The following URB1 variants were observed in gnomAD, a reference collection of about 807,000 sequenced individuals.
URB1 encodes the protein URB1 ribosome biogenesis factor.
URB1 carries 197 observed loss-of-function variants against 242.3 expected under a neutral mutation model. The observed-to-expected ratio is 0.81, with a 90% CI of 0.72 to 0.91. The LOEUF (loss-of-function observed/expected upper bound fraction) is 0.91. Ranked by LOEUF, URB1 falls within the 40% of genes least tolerant of loss-of-function variation. The pLI is 0.00. For missense variants in URB1, 2,721 were observed against 2,860.5 expected, an observed-to-expected ratio of 0.95 and a Z score of 1.11; for synonymous variants, 1,153 against 1,201.8, an observed-to-expected ratio of 0.96 and a Z score of 0.84.
chr21:32,347,363 C>A lies in URB1; in HGVS notation c.3461G>T (p.Gly1154Val), dbSNP rs889952035. 12 of 1,551,400 alleles carry A rather than the reference C, an allele frequency of 7.7e-6. No individual in the cohort carries two copies. The highest frequency in any genetic ancestry group is 9.6e-6 in the Non-Finnish European group (11 of 1,146,974). The change falls in exon 22 of 39, where the codon GGA becomes GTA. Residue 1154 changes from glycine to valine, a missense_variant. Gly to Val is a moderately radical substitution (Grantham distance 109). Coordinates refer to ENST00000382751, the MANE Select transcript of URB1 (RefSeq NM_014825.3). ...PGKERHLNAL[G>V]KTLVQLLTCS... ...GGTCAGCAGCTGCACCAGGGTCTTT[C>A]CAAGAGCATTCAGGTGTCTTTCCTT...
intron 22 of URB1, 98 bp from the exon 23 acceptor site, chr21:32,345,673 C>T: frequency 7.9e-7 from 1 of 1,273,630 alleles, no homozygotes; most frequent in Non-Finnish European, 1.1e-6. Context: ...TTTTAGGTAT[C>T]CTGTGACCCT....
intron 11 of URB1, among the ~76,000 whole-genome samples, chr21:32,362,497 C>T (rs913528943): frequency 1.3e-5 from 2 of 152,114 alleles, no homozygotes; most frequent in Non-Finnish European, 1.5e-5. Flanking sequence ...TGTGAGCCAC[C>T]GCGCCCAACC....
chr21:32,360,121 C>T (rs1049198650), intron 13 of URB1, among the ~76,000 whole-genome samples: 4 of 152,166 alleles, frequency 2.6e-5, no homozygotes, highest in African/African-American at 9.7e-5. Context: ...CAACAAAAAG[C>T]CCAAATCCCA....
chr21:32,363,719 T>G (rs1307512822), intron 10 of URB1, among the ~76,000 whole-genome samples: 1 of 152,138 alleles, frequency 6.6e-6, no homozygotes, highest in Non-Finnish European at 1.5e-5. Flanking sequence ...TGGAGTGCAA[T>G]GGTGCGATCA....
intron 36 of URB1, 134 bp from the exon 37 acceptor site, chr21:32,318,051 G>T: frequency 8.2e-7 from 1 of 1,219,592 alleles, no homozygotes; most frequent in Non-Finnish European, 1.1e-6. Flanking sequence ...TTCCTGCACA[G>T]CAGACATCTA....
In URB1 at chr21:32,373,790, C is replaced by G. The variant is rs1195578149; in HGVS notation, c.751-18G>C. Reference sequence around the variant, plus strand: ...TGAACTACCTGAAACAATAATAAAACAAATTATTAAAAAACAAATTATGAA... The same window carrying G: ...TGAACTACCTGAAACAATAATAAAAGAAATTATTAAAAAACAAATTATGAA... On this transcript the variant is annotated intron_variant, in intron 6 of 38. Coordinates refer to ENST00000382751, the MANE Select transcript of URB1 (RefSeq NM_014825.3). The G allele has an allele frequency of 6.7e-7, 1 of 1,490,354 alleles. No individual in the cohort carries two copies. The highest frequency in any genetic ancestry group is 2.7e-5 in the Admixed American group (1 of 37,730). 92.3% of individuals were successfully genotyped at this position (1,490,354 alleles called of 1,614,324 possible). A position where few individuals can be genotyped will look rare whatever the true frequency, so the allele number is the denominator to read the frequency against.
In URB1 at chr21:32,368,446, C is replaced by G; in HGVS notation, c.1154G>C (p.Arg385Pro). 6.5e-7 allele frequency: 1 copy of G among 1,550,250 alleles called. No individual in the cohort carries two copies. The highest frequency in any genetic ancestry group is 8.7e-7 in the Non-Finnish European group (1 of 1,146,548). ...ATTATTTAACCAAGTAGACTTCGCT[C>G]GTGGGATAAAGGAAAACGTTACTTC... is the stretch of plus-strand genomic sequence containing the variant. ...FKEVTFSFIPRAKSTWLNNIK... is the reference protein window; with the variant it reads ...FKEVTFSFIPPAKSTWLNNIK... The change falls in exon 9 of 39, where the codon CGA becomes CCA. Residue 385 changes from arginine (R) to proline (P), a missense_variant. Transcript: ENST00000382751.
At chr21:32,387,722 A>C (rs1370503895) in intron 1 of URB1, among the ~76,000 whole-genome samples, 1 of 152,202 alleles carries the variant, frequency 6.6e-6, no homozygotes, top group African/African-American at 2.4e-5. Flanking sequence ...TACAGTCTTC[A>C]TAGACACATC....
At chr21:32,378,363 T>C (rs2033483193) in intron 5 of URB1, 82 bp downstream of exon 5, 2 of 1,332,076 alleles carry the variant, frequency 1.5e-6, no homozygotes, top group South Asian at 1.3e-5. Flanking sequence ...GCTGCAGACT[T>C]TTTTTGAACT....
At chr21:32,386,506 C>T (rs897918397) in intron 1 of URB1, among the ~76,000 whole-genome samples, 1 of 152,072 alleles carries the variant, frequency 6.6e-6, no homozygotes, top group African/African-American at 2.4e-5. Context: ...TTATGGCTGC[C>T]CTAGTAGATT....
intron 13 of URB1, 74 bp downstream of exon 13, chr21:32,360,933 T>TG: frequency 9.2e-7 from 1 of 1,086,664 alleles, no homozygotes; most frequent in Non-Finnish European, 1.3e-6. Flanking sequence ...CCTTCCTGAT[T>TG]CTTGGCTGCA....
rs2033170791 is a variant in URB1, at chr21:32,352,652, G to C, written c.2613+58C>G. ...CTGCACAGCTGTGGCCCAGCCAGCT[G>C]GGACCCTGGGAAGAACCCTGCACAG... On this transcript the variant is annotated intron_variant, in intron 19 of 38. Coordinates refer to ENST00000382751, the MANE Select transcript of URB1 (RefSeq NM_014825.3). 3 of 1,544,014 alleles carry C rather than the reference G, an allele frequency of 1.9e-6. No homozygotes were observed. In the African/African-American group the frequency reaches 4.1e-5, roughly 21 times the overall value.
Position 32,349,301 on chromosome 21 carries a change from T to C in URB1, c.3012+3A>G, listed in dbSNP as rs746602950. 1 of 1,537,566 alleles carries C rather than the reference T, an allele frequency of 6.5e-7. No homozygotes were observed. The highest frequency in any genetic ancestry group is 8.8e-7 in the Non-Finnish European group (1 of 1,140,146). ...TAGGCTACCAGGCAACCTGTGGCGG[T>C]ACCTGATCATTGGCCAACTCCAGCG... On this transcript the variant is annotated splice_donor_region_variant and intron_variant, in intron 21 of 38. Transcript: ENST00000382751.
At chr21:32,366,510 C>T (rs1434456608) in intron 10 of URB1, 108 bp downstream of exon 10, 2 of 1,470,220 alleles carry the variant, frequency 1.4e-6, no homozygotes, top group Non-Finnish European at 1.8e-6. Flanking sequence ...GGCCCCCTGA[C>T]AAAACACAAT....
At chr21:32,327,541 T>C (rs1480251606) in intron 30 of URB1, among the ~76,000 whole-genome samples, 2 of 152,036 alleles carry the variant, frequency 1.3e-5, no homozygotes, top group Non-Finnish European at 2.9e-5. Context: ...AAAGGAAGTA[T>C]TTTAGGAAGA....
chr21:32,391,264 G>T (rs2033634984), intron 1 of URB1, among the ~76,000 whole-genome samples: 1 of 151,922 alleles, frequency 6.6e-6, no homozygotes, highest in Non-Finnish European at 1.5e-5. Flanking sequence ...ATATACCTAA[G>T]GTTAAATGAC....
intron 24 of URB1, 66 bp downstream of exon 24, chr21:32,344,504 C>T (rs774659273): frequency 3.3e-6 from 5 of 1,506,804 alleles, no homozygotes; most frequent in Non-Finnish European, 4.5e-6. Flanking sequence ...GCATCTATAG[C>T]TTGGTTTGTC....
intron 1 of URB1, among the ~76,000 whole-genome samples, chr21:32,389,081 TG>T (rs2033612903): frequency 6.6e-6 from 1 of 152,202 alleles, no homozygotes; most frequent in Non-Finnish European, 1.5e-5. Flanking sequence ...AAGAGTATAA[TG>T]AGGACTGTAC....
chr21:32,361,177 A>AAGAAAGAAAGAAAGAAAGAAAGAC, intron 12 of URB1, 54 bp from the exon 13 acceptor site: 1 of 768,796 alleles, frequency 1.3e-6, no homozygotes, highest in Non-Finnish European at 2.0e-6. Context: ...GAAAGAAAGA[A>AAGAAAGAAAGAAAGAAAGAAAGAC]AGAAAGAAAG....
Sources: allele counts gnomAD v4.1 joint callset (sites outside exome capture counted in the v4.1 genomes callset), GRCh38; gene constraint gnomAD v4.1.1; transcripts MANE v1.5; gene names NCBI Gene and HGNC (gene_info 2026-07-23, HGNC 2026-07-21).